AIG1: variants seen among roughly 807,000 people sequenced by gnomAD.
AIG1 encodes the protein androgen-induced gene 1 protein.
In AIG1, 23 loss-of-function variants were observed where a neutral mutation model predicts 31.4. The ratio of observed to expected loss-of-function variants is 0.73; its 90% confidence interval spans 0.53 to 1.04. The LOEUF is 1.04. AIG1 is among the 50% of genes least tolerant of loss of function. The pLI, the probability that AIG1 is intolerant of heterozygous loss-of-function variation, is 0.00. For missense variants in AIG1, 274 were observed against 295.0 expected (o/e 0.93, Z 0.52); for synonymous variants, 100 against 110.5 (o/e 0.90, Z 0.60).
At chr6:143,287,904 C>CA (rs1324055549) in intron 4 of AIG1, among the ~76,000 whole-genome samples, 2 of 151,946 alleles carry the variant, frequency 1.3e-5, no homozygotes, top group African/African-American at 4.8e-5. Context: ...ATCACTTGCA[C>CA]AAAATCAAAA....
At position 143,098,182 on chromosome 6, in the gene AIG1, T is replaced by A. The variant is rs577098989; in HGVS notation, c.141+37116T>A. Among the ~76,000 whole-genome samples, 10 of 152,318 alleles carry A rather than the reference T, an allele frequency of 6.6e-5. No individual in the cohort carries two copies. In the South Asian group the frequency reaches 2.1e-3, roughly 32 times the overall value. ...GTCTACACTTCTGGTTTTCACTTCC[T>A]CTTCCTCCATTCTCTCTGAAACACA... On this transcript the variant is annotated intron_variant, in intron 1 of 5. Coordinates refer to ENST00000357847, the MANE Select transcript of AIG1 (RefSeq NM_016108.4).
rs185475249 is a variant in AIG1 at position 143,277,288 on chromosome 6, G to A, written c.400-6822G>A. On this transcript the variant is annotated intron_variant, in intron 3 of 5. Coordinates refer to ENST00000357847, the MANE Select transcript of AIG1 (RefSeq NM_016108.4). The stretch of plus-strand genomic sequence containing the variant: ...TTACAATCTAGAGTGCACAATTTTT[G>A]TATCTTAGGATAGCTTTTCATACTA... Among the ~76,000 whole-genome samples the A allele has an allele frequency of 4.5e-4, 68 of 152,234 alleles. No individual in the cohort carries two copies. The East Asian group carries it at 0.012, about 28-fold the overall frequency.
intron 3 of AIG1, chr6:143,189,302 A>C (rs2128594976): frequency 1.5e-6 from 1 of 682,060 alleles, no homozygotes. Flanking sequence ...GCTGGTCTCG[A>C]ACTCCTGGCC....
intron 1 of AIG1, among the ~76,000 whole-genome samples, chr6:143,095,400 G>A (rs902979846): frequency 3.9e-5 from 6 of 152,134 alleles, no homozygotes; most frequent in African/African-American, 9.7e-5. Flanking sequence ...CATTTAGCTG[G>A]ACTCATCCTG....
intron 1 of AIG1, among the ~76,000 whole-genome samples, chr6:143,105,167 G>A (rs1057244385): frequency 6.6e-6 from 1 of 152,160 alleles, no homozygotes; most frequent in Non-Finnish European, 1.5e-5. Flanking sequence ...TCAAGCCAGG[G>A]TAAGACAGAT....
At chr6:143,086,014 T>G (rs563780613) in intron 1 of AIG1, among the ~76,000 whole-genome samples, 1 of 152,236 alleles carries the variant, frequency 6.6e-6, no homozygotes, top group Non-Finnish European at 1.5e-5. Context: ...CCTTTTTGCT[T>G]TTTTGACTTA....
At chr6:143,098,370 G>A (rs968361772) in intron 1 of AIG1, among the ~76,000 whole-genome samples, 4 of 152,146 alleles carry the variant, frequency 2.6e-5, no homozygotes, top group Admixed American at 2.6e-4. Context: ...TGGATTCTGG[G>A]AAGTGACACT....
rs183690067 is a variant in AIG1, at chr6:143,291,109, G to A, written c.515+6884G>A. On this transcript the variant is annotated intron_variant, in intron 4 of 5. Coordinates refer to ENST00000357847, the MANE Select transcript of AIG1 (RefSeq NM_016108.4). This position sits in a 1 kb window ranked among gnomAD's most constrained non-coding sequence, Gnocchi z 4.2. Reference sequence around the variant, plus strand: ...AGGCAGGAATTTAGGAAGCTGACTCGTTAGCCTTCCTTATATCTCCTATTT... The same window carrying A: ...AGGCAGGAATTTAGGAAGCTGACTCATTAGCCTTCCTTATATCTCCTATTT... 4.6e-5 allele frequency among the ~76,000 whole-genome samples: 7 copies of A among 152,290 alleles called. No individual in the cohort carries two copies. Among genetic ancestry groups the A allele is most frequent in the South Asian group, 2.1e-4 (1 of 4,814 alleles).
chr6:143,183,186 C>T (rs887786109), intron 3 of AIG1, among the ~76,000 whole-genome samples: 5 of 148,188 alleles, frequency 3.4e-5, no homozygotes, highest in East Asian at 2.1e-4. Flanking sequence ...AGGAAATAAT[C>T]GGACAATGGC....
chr6:143,116,767 A>C (rs767748646), intron 1 of AIG1, among the ~76,000 whole-genome samples: 2 of 151,274 alleles, frequency 1.3e-5, no homozygotes, highest in Non-Finnish European at 2.9e-5. Context: ...ACCACCTTAC[A>C]TACAGTCCAG....
At chr6:143,060,836 C>G (rs548928903), upstream of AIG1, 365 of 797,554 alleles carry the variant, frequency 4.6e-4, 2 homozygotes, top group African/African-American at 7.0e-3. Context: ...CGCCCGCGCC[C>G]GGGTTCCCAC....
chr6:143,225,477 T>A (rs1438913443), intron 3 of AIG1, among the ~76,000 whole-genome samples: 1 of 151,394 alleles, frequency 6.6e-6, no homozygotes, highest in Non-Finnish European at 1.5e-5. Context: ...TATCTTTAAG[T>A]AAGCAAAACT....
chr6:143,324,413 A>G (rs1776446508), intron 4 of AIG1, among the ~76,000 whole-genome samples: 1 of 152,180 alleles, frequency 6.6e-6, no homozygotes, highest in Non-Finnish European at 1.5e-5. Context: ...AGTGGGAAAA[A>G]AACTTTACAG....
intron 1 of AIG1, among the ~76,000 whole-genome samples, chr6:143,075,599 C>T (rs750388896): frequency 1.3e-5 from 2 of 152,180 alleles, no homozygotes; most frequent in Admixed American, 6.5e-5. Context: ...AGCCACTGTG[C>T]GAGGCTGATT....
rs1210252249 is a variant in AIG1 at position 143,326,538 on chromosome 6, C to T, written c.516-6744C>T. 6.6e-6 allele frequency among the ~76,000 whole-genome samples: 1 copy of T among 152,066 alleles called. No individual in the cohort carries two copies. The highest frequency in any genetic ancestry group is 1.5e-5 in the Non-Finnish European group (1 of 68,018). ...AGTCCCTCACCCCACCGAACTTACA[C>T]TGTAGAGGGGGAGAAACATATTATT... On this transcript the variant is annotated intron_variant, in intron 4 of 5. Transcript: ENST00000357847. The surrounding 1 kb of genome is among the most constrained non-coding windows in gnomAD (Gnocchi z 4.5).
rs1035944884 is a variant in AIG1 at position 143,268,932 on chromosome 6, C to T, written c.400-15178C>T. On this transcript the variant is annotated intron_variant, in intron 3 of 5. Transcript: ENST00000357847. This position sits in a 1 kb window ranked among gnomAD's most constrained non-coding sequence, Gnocchi z 5.0. Reference sequence around the variant, plus strand: ...AGTTCAGACCCCCTTCCTGTGGCAGCCCTCATCCCATAACTGGTCCATGCT... The same window carrying T: ...AGTTCAGACCCCCTTCCTGTGGCAGTCCTCATCCCATAACTGGTCCATGCT... Among the ~76,000 whole-genome samples the T allele has an allele frequency of 2.6e-5, 4 of 152,282 alleles. No individual in the cohort carries two copies. The highest frequency in any genetic ancestry group is 4.8e-5 in the African/African-American group (2 of 41,566).
At chr6:143,086,185 C>T (rs1414405114) in intron 1 of AIG1, among the ~76,000 whole-genome samples, 2 of 152,156 alleles carry the variant, frequency 1.3e-5, no homozygotes, top group East Asian at 3.9e-4. Flanking sequence ...TACGGGTTGT[C>T]AGTGGTTTCA....
intron 3 of AIG1, among the ~76,000 whole-genome samples, chr6:143,243,629 G>A (rs1794409894): frequency 6.6e-6 from 1 of 152,158 alleles, no homozygotes. Context: ...TTATTTGGCA[G>A]TAGACAGTGG....
intron 1 of AIG1, among the ~76,000 whole-genome samples, chr6:143,101,324 A>G (rs766271087): frequency 1.3e-5 from 2 of 152,170 alleles, no homozygotes; most frequent in Non-Finnish European, 2.9e-5. Flanking sequence ...GATGATCCAC[A>G]TCAACATTCA....
Sources: gnomAD v4.1 joint callset for allele counts (sites outside exome capture counted in the v4.1 genomes callset) on GRCh38, gnomAD v4.1.1 for gene constraint, Gnocchi (gnomAD v3.1) non-coding constraint, MANE v1.5 for transcripts, NCBI Gene and HGNC (gene_info 2026-07-23, HGNC 2026-07-21) for gene names.